The following FDPS variants were observed in gnomAD, a reference collection of about 807,000 sequenced individuals.
FDPS encodes the protein farnesyl diphosphate synthase.
A neutral mutation model predicts 49.5 loss-of-function variants in FDPS; 29 were observed. The ratio of observed to expected loss-of-function variants is 0.59; its 90% CI spans 0.44 to 0.80. The LOEUF is 0.80. Ranked by LOEUF, FDPS falls within the 30% of genes least tolerant of loss-of-function variation. FDPS has a pLI of 0.00. For synonymous variants in FDPS, 172 were observed against 206.4 expected (o/e 0.83, Z 1.43); for missense variants, 414 against 525.6 (o/e 0.79, Z 2.08).
Position 155,320,543 on chromosome 1 carries a change from C to T in FDPS, c.1194C>T (p.Tyr398=). The T allele has an allele frequency of 6.2e-7, 1 of 1,614,168 alleles. No homozygotes were observed. Among genetic ancestry groups the T allele is most frequent in the Middle Eastern group, 1.7e-4 (1 of 6,054 alleles). The change falls in exon 11 of 11, where the codon TAC becomes TAT. Residue 398 remains tyrosine (Y), a synonymous_variant. Coordinates refer to ENST00000368356, the MANE Select transcript of FDPS (RefSeq NM_002004.4). ...YSHIMALIEQ[Y]AAPLPPAVFL... is the part of the protein sequence containing the mutation. ...ACATTATGGCTCTCATTGAACAGTA[C>T]GCAGCACCCCTGCCCCCAGCCGTCT...
chr1:155,320,542 A>T lies in FDPS; in HGVS notation c.1193A>T (p.Tyr398Phe), dbSNP rs1650256396. The T allele has an allele frequency of 6.2e-7, 1 of 1,614,096 alleles. No homozygotes were observed. The highest frequency in any genetic ancestry group is 1.3e-5 in the African/African-American group (1 of 74,940). ...YSHIMALIEQ[Y>F]AAPLPPAVFL... is the part of the protein sequence containing the mutation. ...CACATTATGGCTCTCATTGAACAGT[A>T]CGCAGCACCCCTGCCCCCAGCCGTC... is the stretch of plus-strand genomic sequence containing the variant. The change falls in exon 11 of 11, where the codon TAC (tyrosine) becomes TTC (phenylalanine). Residue 398 changes from tyrosine to phenylalanine, a missense_variant. Transcript: ENST00000368356.
At chr1:155,320,070 G>A in intron 10 of FDPS, 142 bp downstream of exon 10, 1 of 955,930 alleles carries the variant, frequency 1.0e-6, no homozygotes, top group African/African-American at 1.6e-5. Context: ...AACTCTGTGT[G>A]TGTGCATGTG....
rs1376874284 is a variant in FDPS, at chr1:155,309,929, C to T, written c.140C>T (p.Ala47Val). 1 of 1,603,812 alleles carries T rather than the reference C, an allele frequency of 6.2e-7. No homozygotes were observed. The highest frequency in any genetic ancestry group is 8.5e-7 in the Non-Finnish European group (1 of 1,173,226). ...TACCCAGTCCTGGCCTGGCACAGTG[C>T]CCGCTGCTGGTGCCAAGCGTGGACA... ...HGYPVLAWHS[A>V]RCWCQAWTEE... Residue 47 changes from alanine (A) to valine (V), a missense_variant, in exon 2 of 11, where the codon GCC becomes GTC. Ala to Val is a moderately conservative substitution (Grantham distance 64). Coordinates refer to ENST00000368356, the MANE Select transcript of FDPS (RefSeq NM_002004.4).
chr1:155,312,404 G>T lies in FDPS; in HGVS notation c.480+9G>T. On this transcript the variant is annotated intron_variant, in intron 4 of 10. Transcript: ENST00000368356. ...GCTGGTGTGTGGAACTGGTGAGAGG[G>T]GTAGGGCAAGGGAGAAGAAGTTTCC... The T allele has an allele frequency of 6.2e-7, 1 of 1,613,254 alleles. No individual in the cohort carries two copies. Among genetic ancestry groups the T allele is most frequent in the Non-Finnish European group, 8.5e-7 (1 of 1,179,408 alleles).
At chr1:155,312,446 TGG>T (rs757597083) in intron 4 of FDPS, 51 bp downstream of exon 4, 2 of 1,472,740 alleles carry the variant, frequency 1.4e-6, no homozygotes, top group Middle Eastern at 3.5e-4. Context: ...GGTGGTGACT[TGG>T]GTGGGAAGGG....
intron 9 of FDPS, 30 bp from the exon 10 acceptor site, chr1:155,319,764 T>G: frequency 6.2e-7 from 1 of 1,614,072 alleles, no homozygotes; most frequent in South Asian, 1.1e-5. Flanking sequence ...TCATCCTTCC[T>G]CTTTTGCTGC....
At chr1:155,310,610 C>A (rs1474189901) in intron 3 of FDPS, among the ~76,000 whole-genome samples, 2 of 152,230 alleles carry the variant, frequency 1.3e-5, no homozygotes, top group East Asian at 1.9e-4. Context: ...CGCGCCTGGC[C>A]GAGAAAGCTT....
rs961453941 is a variant in FDPS, at chr1:155,320,544, G to T, written c.1195G>T (p.Ala399Ser). ...CATTATGGCTCTCATTGAACAGTAC[G>T]CAGCACCCCTGCCCCCAGCCGTCTT... Reference protein sequence around the residue: ...SHIMALIEQYAAPLPPAVFLG... With the variant: ...SHIMALIEQYSAPLPPAVFLG... Residue 399 changes from alanine (A) to serine (S), a missense_variant, in exon 11 of 11, where the codon GCA (alanine) becomes TCA (serine). Ala to Ser is a moderately conservative substitution (Grantham distance 99). Transcript: ENST00000368356. 6 of 1,614,168 alleles carry T rather than the reference G, an allele frequency of 3.7e-6. No individual in the cohort carries two copies. Among genetic ancestry groups the T allele is most frequent in the Non-Finnish European group, 5.1e-6 (6 of 1,180,030 alleles).
chr1:155,318,113 C>T lies in FDPS; in HGVS notation c.562-56C>T. 5.0e-6 allele frequency: 8 copies of T among 1,613,800 alleles called. No individual in the cohort carries two copies. Among genetic ancestry groups the T allele is most frequent in the Non-Finnish European group, 5.9e-6 (7 of 1,179,840 alleles). ...TGGTTGAGGTGTTGGGGTGATGGCT[C>T]TTAGTATGAACCGAGACTAGAGATT... is the stretch of plus-strand genomic sequence containing the variant. On this transcript the variant is annotated intron_variant, in intron 5 of 10. Coordinates refer to ENST00000368356, the MANE Select transcript of FDPS (RefSeq NM_002004.4). This position sits in a 1 kb window ranked among gnomAD's most constrained non-coding sequence, Gnocchi z 4.2.
At chr1:155,309,761 T>C in intron 1 of FDPS, 28 bp from the exon 2 acceptor site, 1 of 1,502,604 alleles carries the variant, frequency 6.7e-7, no homozygotes, top group African/African-American at 1.4e-5. Flanking sequence ...AGGGAGTGCT[T>C]AGTGCCCCCT....
chr1:155,320,467 A>G lies in FDPS; in HGVS notation c.1118A>G (p.Glu373Gly). 3.1e-6 allele frequency: 5 copies of G among 1,613,832 alleles called. No homozygotes were observed. Among genetic ancestry groups the G allele is most frequent in the African/African-American group, 1.3e-5 (1 of 74,982 alleles). The change falls in exon 11 of 11, where the codon GAG (glutamate) becomes GGG (glycine). Residue 373 changes from glutamate to glycine, a missense_variant. Physicochemically the swap from Glu to Gly is moderately conservative, Grantham distance 98. Transcript: ENST00000368356. Reference protein sequence around the residue: ...KVARVKALYEELDLPAVFLQY... With the variant: ...KVARVKALYEGLDLPAVFLQY... ...GCCCGGGTGAAGGCGCTATATGAGG[A>G]GCTGGATCTGCCAGCAGTGTTCTTG...
In FDPS at chr1:155,319,794, G is replaced by A; in HGVS notation, c.925G>A (p.Asp309Asn). Residue 309 changes from aspartate (D) to asparagine (N), a missense_variant and splice_region_variant, in exon 10 of 11, where the codon GAT (aspartate) becomes AAT (asparagine). Transcript: ENST00000368356. ...TGCTGCCCTCCCCCTCCCTGCCCAG[G>A]ATGATTACCTTGACCTCTTTGGGGA... ...LEMGEFFQIQ[D>N]DYLDLFGDPS... is the part of the protein sequence containing the mutation. 6.2e-7 allele frequency: 1 copy of A among 1,614,132 alleles called. No homozygotes were observed. Among genetic ancestry groups the A allele is most frequent in the South Asian group, 1.1e-5 (1 of 91,072 alleles).
At chr1:155,310,650 G>C (rs1648706624) in intron 3 of FDPS, among the ~76,000 whole-genome samples, 1 of 152,110 alleles carries the variant, frequency 6.6e-6, no homozygotes, top group Admixed American at 6.6e-5. Flanking sequence ...CTGCTCTGGA[G>C]AGGTTGGGGC....
rs1417544452 is a variant in FDPS at position 155,318,053 on chromosome 1, G to C, written c.561+32G>C. 1.9e-6 allele frequency: 3 copies of C among 1,612,322 alleles called. No homozygotes were observed. Reference sequence around the variant, plus strand: ...TGGGCAGGAAAATAGCAGTGGGTATGGGGACAGGCCACAGGGAGGTGGTTA... The same window carrying C: ...TGGGCAGGAAAATAGCAGTGGGTATCGGGACAGGCCACAGGGAGGTGGTTA... On this transcript the variant is annotated intron_variant, in intron 5 of 10. Coordinates refer to ENST00000368356, the MANE Select transcript of FDPS (RefSeq NM_002004.4). This position sits in a 1 kb window ranked among gnomAD's most constrained non-coding sequence, Gnocchi z 4.2.
intron 3 of FDPS, among the ~76,000 whole-genome samples, chr1:155,310,793 G>A (rs1021077736): frequency 4.6e-5 from 7 of 152,160 alleles, no homozygotes; most frequent in Admixed American, 2.0e-4. Context: ...CCTGAAATCA[G>A]AAGCTGTTAG....
At chr1:155,310,618 C>A (rs1182223896) in intron 3 of FDPS, among the ~76,000 whole-genome samples, 1 of 152,086 alleles carries the variant, frequency 6.6e-6, no homozygotes, top group African/African-American at 2.4e-5. Context: ...GCCGAGAAAG[C>A]TTTTACCTGA....
At position 155,320,641 on chromosome 1, in the gene FDPS, T is replaced by C. The variant is rs758850948; in HGVS notation, c.*32T>C. On this transcript the variant is annotated 3_prime_UTR_variant, in exon 11 of 11. Transcript: ENST00000368356. The stretch of plus-strand genomic sequence containing the variant: ...GATTGCAAGGGCGGGGAGAGGAGGC[T>C]CTCAATAAATAATCGTGTAACCTTC... 5 of 1,608,298 alleles carry C rather than the reference T, an allele frequency of 3.1e-6. No homozygotes were observed. The Admixed American group carries it at 6.7e-5, about 21-fold the overall frequency.
intron 1 of FDPS, 40 bp from the exon 2 acceptor site, chr1:155,309,749 G>T: frequency 6.8e-7 from 1 of 1,475,932 alleles, no homozygotes; most frequent in Admixed American, 2.3e-5. Context: ...GCTTGCCCCT[G>T]CAGGGAGTGC....
At position 155,310,105 on chromosome 1, in the gene FDPS, A is replaced by G. The variant is rs1648635255; in HGVS notation, c.239A>G (p.Lys80Arg). The G allele has an allele frequency of 1.1e-5, 17 of 1,613,938 alleles. No homozygotes were observed. Among genetic ancestry groups the G allele is most frequent in the Non-Finnish European group, 1.4e-5 (16 of 1,179,966 alleles). ...DQNSDVYAQE[K>R]QDFVQHFSQI... is the part of the protein sequence containing the mutation. The stretch of plus-strand genomic sequence containing the variant: ...AATTCAGATGTTTATGCCCAAGAAA[A>G]GCAGGATTTCGTTCAGCACTTCTCC... Residue 80 changes from lysine to arginine, a missense_variant, in exon 3 of 11, where the codon AAG becomes AGG. By Grantham distance (26) the Lys-to-Arg change is conservative (BLOSUM62 2). Coordinates refer to ENST00000368356, the MANE Select transcript of FDPS (RefSeq NM_002004.4).
Sources: allele counts gnomAD v4.1 joint callset (sites outside exome capture counted in the v4.1 genomes callset), GRCh38; gene constraint gnomAD v4.1.1; non-coding constraint Gnocchi (gnomAD v3.1); transcripts MANE v1.5; gene names NCBI Gene and HGNC (gene_info 2026-07-23, HGNC 2026-07-21).